PHACTR3: variants seen among roughly 807,000 people sequenced by gnomAD.
PHACTR3 encodes the protein protein phosphatase 1, regulatory subunit 123.
PHACTR3 carries 16 observed loss-of-function variants against 66.8 expected under a neutral mutation model. The ratio of observed to expected loss-of-function variants is 0.24; its 90% CI spans 0.16 to 0.36. PHACTR3 has a LOEUF of 0.36. Ranked by LOEUF, PHACTR3 falls within the 10% of genes least tolerant of loss-of-function variation. The probability of loss-of-function intolerance (pLI) is 1.00; values close to 1 mark genes in which losing one functional copy is unlikely to be tolerated. For synonymous variants in PHACTR3, 323 were observed against 292.1 expected (o/e 1.11, Z -1.08); for missense variants, 647 against 719.9 (o/e 0.90, Z 1.16).
Position 59,808,877 on chromosome 20 carries a change from C to T in PHACTR3, c.1328+2683C>T, listed in dbSNP as rs547794858. Among the ~76,000 whole-genome samples, 12 of 152,294 alleles carry T rather than the reference C, an allele frequency of 7.9e-5. No individual in the cohort carries two copies. In the South Asian group the frequency reaches 2.3e-3, roughly 29 times the overall value. On this transcript the variant is annotated intron_variant, in intron 8 of 12. Transcript: ENST00000371015. ...CCCAGATCGTTCTCCGTGGAGGGGC[C>T]GTCCCGTGTGTGTAGTGTGTTAGCA...
At chr20:59,629,169 G>A (rs548349018) in intron 1 of PHACTR3, among the ~76,000 whole-genome samples, 49 of 152,362 alleles carry the variant, frequency 3.2e-4, no homozygotes, top group African/African-American at 1.1e-3. Flanking sequence ...TGGCATGGGC[G>A]ACGTGTGTGG....
rs1233755201 is a variant in PHACTR3 at position 59,820,215 on chromosome 20, T to A, written c.1328+14021T>A. 6.6e-6 allele frequency among the ~76,000 whole-genome samples: 1 copy of A among 152,010 alleles called. No homozygotes were observed. The highest frequency in any genetic ancestry group is 1.5e-5 in the Non-Finnish European group (1 of 67,990). On this transcript the variant is annotated intron_variant, in intron 8 of 12. Coordinates refer to ENST00000371015, the MANE Select transcript of PHACTR3 (RefSeq NM_080672.5). The surrounding 1 kb of genome is among the most constrained non-coding windows in gnomAD (Gnocchi z 4.6). ...CCAAGGTCAAGAAGACCACCAAGAT[T>A]TATGAGGGCACTTTCAAGGATTTGT... is the stretch of plus-strand genomic sequence containing the variant.
chr20:59,805,790 G>A (rs2426843), intron 7 of PHACTR3, among the ~76,000 whole-genome samples: 111,625 of 152,196 alleles, frequency 0.73, 45,990 homozygotes, highest in Non-Finnish European at 0.92. Flanking sequence ...AGCCGGGACT[G>A]TACCTGGAAA....
At chr20:59,776,234 T>G (rs1188175110) in intron 7 of PHACTR3, among the ~76,000 whole-genome samples, 1 of 145,784 alleles carries the variant, frequency 6.9e-6, no homozygotes, top group East Asian at 2.0e-4. Context: ...ACAAGAAAGG[T>G]TTTATCCTCA....
In PHACTR3 at chr20:59,806,327, G is replaced by A. The variant is rs528447233; in HGVS notation, c.1328+133G>A. 163 of 1,184,542 alleles carry A rather than the reference G, an allele frequency of 1.4e-4. No homozygotes were observed. In the East Asian group the frequency reaches 2.7e-3, roughly 20 times the overall value. 73.4% of individuals were successfully genotyped at this position (1,184,542 alleles called of 1,614,324 possible). ...CGTCTGCAGCAGGTCTCTTGACCCC[G>A]CCACCGTTGACGTTTGGGGCCGTGT... On this transcript the variant is annotated intron_variant, in intron 8 of 12. Transcript: ENST00000371015.
intron 1 of PHACTR3, among the ~76,000 whole-genome samples, chr20:59,580,513 G>A (rs545329588): frequency 2.0e-5 from 3 of 151,942 alleles, no homozygotes; most frequent in Non-Finnish European, 2.9e-5. Flanking sequence ...TCCAGACTTC[G>A]AAGTCTGATT....
At chr20:59,819,555 A>T (rs898757866) in intron 8 of PHACTR3, among the ~76,000 whole-genome samples, 2 of 150,754 alleles carry the variant, frequency 1.3e-5, no homozygotes, top group Non-Finnish European at 3.0e-5. Flanking sequence ...AAAAAAAAAG[A>T]AAACAAAATG....
At chr20:59,631,696 A>G (rs375122165) in intron 1 of PHACTR3, among the ~76,000 whole-genome samples, 12 of 152,322 alleles carry the variant, frequency 7.9e-5, no homozygotes, top group African/African-American at 2.4e-4. Flanking sequence ...AAATCCAAAG[A>G]GTCAGGAAGG....
intron 8 of PHACTR3, chr20:59,836,067 G>C: frequency 6.3e-6 from 1 of 159,602 alleles, no homozygotes. Context: ...GGCAGTGCTG[G>C]GAAGCATGAA....
Position 59,847,471 on chromosome 20 carries a change from C to T in PHACTR3, c.*341C>T. 1 of 227,546 alleles carries T rather than the reference C, an allele frequency of 4.4e-6. No individual in the cohort carries two copies. Among genetic ancestry groups the T allele is most frequent in the African/African-American group, 2.2e-5 (1 of 44,980 alleles). The allele number at this position is 227,546 out of a possible 1,614,324, so 14.1% of individuals were successfully genotyped here. Reference sequence around the variant, plus strand: ...CGGGCAACGTGCATGTGCAGGCTCACCACTCCCAGGCCTCTGACATGAGGG... The same window carrying T: ...CGGGCAACGTGCATGTGCAGGCTCATCACTCCCAGGCCTCTGACATGAGGG... On this transcript the variant is annotated 3_prime_UTR_variant, in exon 13 of 13. Coordinates refer to ENST00000371015, the MANE Select transcript of PHACTR3 (RefSeq NM_080672.5).
At position 59,791,594 on chromosome 20, in the gene PHACTR3, C is replaced by CT. The variant is rs529215124; in HGVS notation, c.1175-14434dup. ...AAGCATGTGAGCACTTTTCTTTTTT[C>CT]TTTTTTTTTTTTTAACTGAAGTTTT... On this transcript the variant is annotated intron_variant, in intron 7 of 12. Coordinates refer to ENST00000371015, the MANE Select transcript of PHACTR3 (RefSeq NM_080672.5). Among the ~76,000 whole-genome samples the CT allele has an allele frequency of 7.5e-3, 1,068 of 143,286 alleles. 11 individuals are homozygous for CT. The highest frequency in any genetic ancestry group is 0.032 in the South Asian group (140 of 4,378). 94.0% of individuals were successfully genotyped at this position (143,286 alleles called of 152,430 possible). A position where few individuals can be genotyped will look rare whatever the true frequency, so the allele number is the denominator to read the frequency against.
At chr20:59,714,024 T>G (rs2038001153) in intron 1 of PHACTR3, among the ~76,000 whole-genome samples, 2 of 152,216 alleles carry the variant, frequency 1.3e-5, no homozygotes, top group Admixed American at 6.5e-5. Context: ...GAGCTCCTTT[T>G]TATTTTTTCA....
At chr20:59,693,322 TA>T (rs1045692181) in intron 1 of PHACTR3, among the ~76,000 whole-genome samples, 1 of 152,240 alleles carries the variant, frequency 6.6e-6, no homozygotes, top group African/African-American at 2.4e-5. Context: ...TGGGAATCTT[TA>T]AAAACACTTG....
At chr20:59,783,637 G>A (rs2040806249) in intron 7 of PHACTR3, among the ~76,000 whole-genome samples, 1 of 152,142 alleles carries the variant, frequency 6.6e-6, no homozygotes, top group Non-Finnish European at 1.5e-5. Flanking sequence ...TGAATCCAGG[G>A]CTTTCCAGCT....
chr20:59,813,140 A>C (rs147756187), intron 8 of PHACTR3, among the ~76,000 whole-genome samples: 2 of 152,272 alleles, frequency 1.3e-5, no homozygotes, highest in African/African-American at 2.4e-5. Context: ...TGATGTCTGC[A>C]ACCCTGAAGT....
chr20:59,847,383 A>G lies in PHACTR3; in HGVS notation c.*253A>G, dbSNP rs2059170447. On this transcript the variant is annotated 3_prime_UTR_variant, in exon 13 of 13. Coordinates refer to ENST00000371015, the MANE Select transcript of PHACTR3 (RefSeq NM_080672.5). ...GTCAGTTAAGACCCAACATAACTCT[A>G]TCAGAAGAAAACTGTTGTTTGCCTT... The G allele has an allele frequency of 2.8e-6, 1 of 363,296 alleles. No homozygotes were observed. The highest frequency in any genetic ancestry group is 5.1e-6 in the Non-Finnish European group (1 of 195,576). 22.5% of individuals were successfully genotyped at this position (363,296 alleles called of 1,614,324 possible). A position where few individuals can be genotyped will look rare whatever the true frequency, so the allele number is the denominator to read the frequency against.
chr20:59,644,345 A>T (rs1354094580), intron 1 of PHACTR3, among the ~76,000 whole-genome samples: 3 of 152,228 alleles, frequency 2.0e-5, no homozygotes, highest in Non-Finnish European at 4.4e-5. Context: ...ATTTGTTGTG[A>T]TATAAACAAC....
chr20:59,599,339 C>G (rs566638265), intron 1 of PHACTR3, among the ~76,000 whole-genome samples: 78 of 152,346 alleles, frequency 5.1e-4, no homozygotes, highest in African/African-American at 1.8e-3. Context: ...TGCCACCATC[C>G]AGGTCCTTGG....
chr20:59,616,939 C>T (rs2034044649), intron 1 of PHACTR3, among the ~76,000 whole-genome samples: 1 of 152,128 alleles, frequency 6.6e-6, no homozygotes, highest in Non-Finnish European at 1.5e-5. Context: ...CTCTCATTCA[C>T]CTGGGCTGGC....
Sources: allele counts gnomAD v4.1 joint callset (sites outside exome capture counted in the v4.1 genomes callset), GRCh38; gene constraint gnomAD v4.1.1; non-coding constraint Gnocchi (gnomAD v3.1); transcripts MANE v1.5; gene names NCBI Gene and HGNC (gene_info 2026-07-23, HGNC 2026-07-21).